The following RGS7 variants were observed in gnomAD, a reference collection of about 807,000 sequenced individuals.
RGS7 encodes the protein regulator of G-protein signaling 7.
In RGS7, 27 loss-of-function variants were observed where a neutral mutation model predicts 81.1. The ratio of observed to expected loss-of-function variants is 0.33; its 90% confidence interval spans 0.25 to 0.46. The LOEUF (loss-of-function observed/expected upper bound fraction) is 0.46, where lower values mean the gene tolerates loss of function less well. Among genes scored for constraint, RGS7 ranks in the 20% least tolerant of loss-of-function variants. The probability of loss-of-function intolerance (pLI) is 1.00; values close to 1 mark genes in which losing one functional copy is unlikely to be tolerated. For synonymous variants in RGS7, 208 were observed against 207.7 expected (o/e 1.00, Z -0.01); for missense variants, 396 against 607.4 (o/e 0.65, Z 3.66).
At chr1:240,973,383 G>C (rs1475206449) in intron 4 of RGS7, among the ~76,000 whole-genome samples, 5 of 151,642 alleles carry the variant, frequency 3.3e-5, no homozygotes, top group African/African-American at 1.2e-4. Context: ...GCGGGGCGTG[G>C]TGGCTAATCC....
chr1:240,819,228 A>T (rs942385439), intron 10 of RGS7, among the ~76,000 whole-genome samples: 8 of 152,166 alleles, frequency 5.3e-5, no homozygotes, highest in African/African-American at 1.7e-4. Context: ...AAAGTTTTTA[A>T]ATAATAATCT....
intron 4 of RGS7, among the ~76,000 whole-genome samples, chr1:240,975,015 T>C (rs1185544552): frequency 6.6e-6 from 1 of 152,002 alleles, no homozygotes; most frequent in Non-Finnish European, 1.5e-5. Context: ...CCCTCTTCAA[T>C]GCCAGGATTC....
intron 10 of RGS7, among the ~76,000 whole-genome samples, chr1:240,819,447 G>T (rs1369373973): frequency 6.6e-6 from 1 of 152,062 alleles, no homozygotes; most frequent in Admixed American, 6.6e-5. Flanking sequence ...ACTTCATAGA[G>T]GTCCGATACG....
At chr1:241,014,279 C>T (rs1040792766) in intron 3 of RGS7, among the ~76,000 whole-genome samples, 2 of 152,146 alleles carry the variant, frequency 1.3e-5, no homozygotes, top group African/African-American at 4.8e-5. Flanking sequence ...AAATCCAAAT[C>T]ATCTCCTTCA....
chr1:240,807,272 A>C (rs1191403253), intron 14 of RGS7, among the ~76,000 whole-genome samples: 3 of 152,238 alleles, frequency 2.0e-5, no homozygotes, highest in Non-Finnish European at 4.4e-5. Context: ...TTTAAAAGAT[A>C]AATGAGTATA....
intron 6 of RGS7, chr1:240,919,813 T>C (rs1392494018): frequency 1.3e-6 from 1 of 747,850 alleles, no homozygotes; most frequent in East Asian, 2.5e-5. Flanking sequence ...AAGAGCTCCA[T>C]GGGCTTTGGG....
At chr1:240,934,181 C>G (rs904826751) in intron 5 of RGS7, among the ~76,000 whole-genome samples, 1 of 152,146 alleles carries the variant, frequency 6.6e-6, no homozygotes, top group African/African-American at 2.4e-5. Context: ...CCAGGATGGT[C>G]TCAATCTCGA....
chr1:240,777,869 C>T (rs1011862588), intron 18 of RGS7, among the ~76,000 whole-genome samples: 1 of 149,004 alleles, frequency 6.7e-6, no homozygotes, highest in African/African-American at 2.5e-5. Context: ...GATCTAATGA[C>T]CTTCCAAAGG....
At chr1:241,072,858 C>T (rs181425044) in intron 3 of RGS7, among the ~76,000 whole-genome samples, 83 of 152,262 alleles carry the variant, frequency 5.5e-4, no homozygotes, top group Middle Eastern at 3.4e-3. Context: ...CCTTTTCTAT[C>T]CCAGGTCTTG....
At chr1:241,000,301 C>CA (rs1687938476) in intron 3 of RGS7, among the ~76,000 whole-genome samples, 1 of 152,066 alleles carries the variant, frequency 6.6e-6, no homozygotes, top group African/African-American at 2.4e-5. Flanking sequence ...AAATGGGTTT[C>CA]AAAAAGGCAC....
chr1:241,106,012 G>C (rs2065072772), intron 2 of RGS7, among the ~76,000 whole-genome samples: 1 of 152,150 alleles, frequency 6.6e-6, no homozygotes, highest in African/African-American at 2.4e-5. Context: ...TGGATTTCTT[G>C]GGCAGTTAGG....
chr1:240,776,619 G>C (rs1156412719), intron 18 of RGS7, among the ~76,000 whole-genome samples: 1 of 152,150 alleles, frequency 6.6e-6, no homozygotes, highest in African/African-American at 2.4e-5. Flanking sequence ...AAGATAATGT[G>C]AGTGCATTCT....
chr1:241,100,267 C>T (rs112338067), intron 2 of RGS7, among the ~76,000 whole-genome samples: 4,313 of 150,080 alleles, frequency 0.029, 112 homozygotes, highest in Admixed American at 0.068. Flanking sequence ...CCCAGGTACT[C>T]GGGAGGCTGA....
chr1:240,875,428 G>A (rs1170075947), intron 6 of RGS7, among the ~76,000 whole-genome samples: 2 of 151,980 alleles, frequency 1.3e-5, no homozygotes, highest in Admixed American at 6.6e-5. Context: ...TTACCCATTC[G>A]CCTGTTGCTG....
intron 2 of RGS7, among the ~76,000 whole-genome samples, chr1:241,221,069 G>GGA (rs2074960863): frequency 8.0e-6 from 1 of 125,094 alleles, no homozygotes; most frequent in African/African-American, 3.1e-5. Flanking sequence ...GAGAGAGAGA[G>GGA]AGAAAGGAAG....
In RGS7 at chr1:241,351,594, T is replaced by A. The variant is rs6683740; in HGVS notation, c.78+4105A>T. The stretch of plus-strand genomic sequence containing the variant: ...AAGGCATTGTTTCCTCCTTTACAAC[T>A]AAATAAACAGTGCAAATTATGTCCT... On this transcript the variant is annotated intron_variant, in intron 2 of 18. Transcript: ENST00000440928. Among the ~76,000 whole-genome samples the A allele has an allele frequency of 2.6e-5, 4 of 152,196 alleles. No homozygotes were observed. The Middle Eastern group carries it at 0.01, about 388-fold the overall frequency.
At chr1:241,068,781 C>T (rs1174010230) in intron 3 of RGS7, among the ~76,000 whole-genome samples, 3 of 152,146 alleles carry the variant, frequency 2.0e-5, no homozygotes, top group Non-Finnish European at 4.4e-5. Flanking sequence ...GATGTTGTCC[C>T]TGCCCAAATC....
chr1:241,293,452 AG>A (rs1243313132), intron 2 of RGS7, among the ~76,000 whole-genome samples: 1 of 152,160 alleles, frequency 6.6e-6, no homozygotes, highest in Non-Finnish European at 1.5e-5. Flanking sequence ...TTGTTGTCAT[AG>A]GAGATGACAG....
intron 2 of RGS7, among the ~76,000 whole-genome samples, chr1:241,348,796 A>G (rs1469520756): frequency 1.3e-5 from 2 of 152,312 alleles, no homozygotes; most frequent in East Asian, 3.9e-4. Flanking sequence ...AGGGCTAAAC[A>G]ATGTAAGACG....
Sources: allele counts gnomAD v4.1 joint callset (sites outside exome capture counted in the v4.1 genomes callset), GRCh38; gene constraint gnomAD v4.1.1; transcripts MANE v1.5; gene names NCBI Gene and HGNC (gene_info 2026-07-23, HGNC 2026-07-21).